RPRD1B: variants seen among roughly 807,000 people sequenced by gnomAD.
The protein encoded by RPRD1B is regulation of nuclear pre-mRNA domain containing 1B, also known as regulation of nuclear pre-mRNA domain-containing protein 1B.
Under a neutral mutation model 41.5 loss-of-function variants are expected in RPRD1B, and 11 were observed. The ratio of observed to expected loss-of-function variants is 0.27; its 90% CI spans 0.17 to 0.44. The LOEUF (loss-of-function observed/expected upper bound fraction) is 0.44, where lower values mean the gene tolerates loss of function less well. Among genes scored for constraint, RPRD1B ranks in the 20% least tolerant of loss-of-function variants. The probability of loss-of-function intolerance (pLI) is 1.00; values close to 1 mark genes in which losing one functional copy is unlikely to be tolerated. For missense variants in RPRD1B, 248 were observed against 389.9 expected, an observed-to-expected ratio of 0.64 and a Z score of 3.06; for synonymous variants, 158 against 155.6, an observed-to-expected ratio of 1.02 and a Z score of -0.12.
chr20:38,050,885 C>T (rs891363243), intron 3 of RPRD1B, among the ~76,000 whole-genome samples: 4 of 152,228 alleles, frequency 2.6e-5, no homozygotes. Flanking sequence ...CCAGCTGACT[C>T]ACTCTGTCTT....
At chr20:38,086,678 T>G (rs1030663975) in intron 6 of RPRD1B, among the ~76,000 whole-genome samples, 4 of 152,208 alleles carry the variant, frequency 2.6e-5, no homozygotes, top group African/African-American at 9.6e-5. Context: ...AGTCTCACTC[T>G]CCCTCTTTCT....
At position 38,076,906 on chromosome 20, in the gene RPRD1B, C is replaced by CTTTTTTTTTTTTTTTTTTTTTTTTTT. The variant is rs573460686; in HGVS notation, c.831+10655_831+10680dup. 7.9e-5 allele frequency among the ~76,000 whole-genome samples: 5 copies of CTTTTTTTTTTTTTTTTTTTTTTTTTT among 63,524 alleles called. 1 individual carries two copies. The highest frequency in any genetic ancestry group is 1.4e-4 in the Non-Finnish European group (5 of 36,262). 41.7% of individuals were successfully genotyped at this position (63,524 alleles called of 152,430 possible). ...CCTTTAGCCTTTTCTCATTCTGGAC[C>CTTTTTTTTTTTTTTTTTTTTTTTTTT]TTTTTTTTTTTTTTTTTTTTTTTTT... On this transcript the variant is annotated intron_variant, in intron 6 of 6. Transcript: ENST00000373433.
chr20:38,051,350 TGTA>T (rs1432746148), intron 3 of RPRD1B, among the ~76,000 whole-genome samples: 4 of 152,244 alleles, frequency 2.6e-5, no homozygotes, highest in Non-Finnish European at 5.9e-5. Flanking sequence ...ATGTGACTCA[TGTA>T]GTATACGGTT....
At chr20:38,040,805 A>G (rs1049064711) in intron 2 of RPRD1B, among the ~76,000 whole-genome samples, 5 of 152,094 alleles carry the variant, frequency 3.3e-5, no homozygotes. Context: ...ATTCATTTTC[A>G]TTTTTTGAAT....
intron 6 of RPRD1B, among the ~76,000 whole-genome samples, chr20:38,089,429 A>C (rs2122778843): frequency 6.6e-6 from 1 of 152,292 alleles, no homozygotes; most frequent in East Asian, 1.9e-4. Flanking sequence ...TTTGAGAACC[A>C]ACAAAAAGAG....
chr20:38,048,321 A>G (rs1184148916), intron 2 of RPRD1B, 27 bp from the exon 3 acceptor site: 4 of 1,603,818 alleles, frequency 2.5e-6, no homozygotes, highest in Non-Finnish European at 2.6e-6. Flanking sequence ...TTAAGCTTAT[A>G]TATATCTTTT....
At chr20:38,052,612 T>C (rs2074196788) in intron 3 of RPRD1B, among the ~76,000 whole-genome samples, 1 of 152,140 alleles carries the variant, frequency 6.6e-6, no homozygotes. Context: ...ATAAAAGTAA[T>C]ATAAAGTCTA....
chr20:38,087,885 A>G (rs2074576341), intron 6 of RPRD1B, among the ~76,000 whole-genome samples: 1 of 152,176 alleles, frequency 6.6e-6, no homozygotes, highest in Non-Finnish European at 1.5e-5. Context: ...CATTCGGCAC[A>G]TGTGCTGGGT....
chr20:38,045,913 T>C (rs1040109083), intron 2 of RPRD1B, among the ~76,000 whole-genome samples: 9 of 152,232 alleles, frequency 5.9e-5, no homozygotes, highest in African/African-American at 1.9e-4. Context: ...GGACCTCCCA[T>C]TGCCTGCAGG....
At chr20:38,060,121 C>T (rs2074282998) in intron 5 of RPRD1B, among the ~76,000 whole-genome samples, 1 of 152,188 alleles carries the variant, frequency 6.6e-6, no homozygotes. Flanking sequence ...TACTTCTGTT[C>T]TTTGTGATAG....
At chr20:38,067,446 G>T (rs2074368678) in intron 6 of RPRD1B, among the ~76,000 whole-genome samples, 1 of 152,236 alleles carries the variant, frequency 6.6e-6, no homozygotes. Context: ...GGAGAGCCAT[G>T]TCACCTCCAT....
In RPRD1B at chr20:38,091,468, G is replaced by T; in HGVS notation, c.*1593G>T. 1.0e-6 allele frequency: 1 copy of T among 985,356 alleles called. No homozygotes were observed. The highest frequency in any genetic ancestry group is 1.2e-6 in the Non-Finnish European group (1 of 829,920). The allele number at this position is 985,356 out of a possible 1,614,324, so 61.0% of individuals were successfully genotyped here. ...CTAGTAGTGTTTGAGCTGTTATTCA[G>T]ATTTGAATTCAGACTGTGTGTTGTT... On this transcript the variant is annotated 3_prime_UTR_variant, in exon 7 of 7. Coordinates refer to ENST00000373433, the MANE Select transcript of RPRD1B (RefSeq NM_021215.4).
chr20:38,048,177 A>G (rs1248091930), intron 2 of RPRD1B, among the ~76,000 whole-genome samples, 171 bp from the exon 3 acceptor site: 1 of 152,180 alleles, frequency 6.6e-6, no homozygotes, highest in Admixed American at 6.5e-5. Flanking sequence ...CGAAGAATGT[A>G]GTTTGTGGTC....
chr20:38,044,557 G>T (rs1208235953), intron 2 of RPRD1B, among the ~76,000 whole-genome samples: 1 of 151,954 alleles, frequency 6.6e-6, no homozygotes, highest in Non-Finnish European at 1.5e-5. Flanking sequence ...GTATTTTTTA[G>T]TAGAGACGGA....
At chr20:38,047,911 G>A (rs2074136194) in intron 2 of RPRD1B, among the ~76,000 whole-genome samples, 1 of 152,148 alleles carries the variant, frequency 6.6e-6, no homozygotes, top group Non-Finnish European at 1.5e-5. Context: ...GTGTTGGTGT[G>A]TTAGAATTGA....
intron 5 of RPRD1B, among the ~76,000 whole-genome samples, chr20:38,061,771 T>G (rs2074300029): frequency 6.6e-6 from 1 of 152,236 alleles, no homozygotes; most frequent in African/African-American, 2.4e-5. Context: ...CATCTTAACT[T>G]CACCCCAGTA....
chr20:38,035,087 G>C (rs989045336), intron 1 of RPRD1B, among the ~76,000 whole-genome samples: 5 of 152,194 alleles, frequency 3.3e-5, no homozygotes, highest in African/African-American at 7.2e-5. Flanking sequence ...CTCATCTCGT[G>C]GTGAGGAGTA....
chr20:38,045,211 T>C (rs1050563859), intron 2 of RPRD1B, among the ~76,000 whole-genome samples: 1 of 152,246 alleles, frequency 6.6e-6, no homozygotes, highest in Non-Finnish European at 1.5e-5. Context: ...TCTTCCACTT[T>C]ATTCATAGAT....
Position 38,034,115 on chromosome 20 carries a change from C to T in RPRD1B, c.151+17C>T, listed in dbSNP as rs201902383. The T allele has an allele frequency of 1.4e-4, 226 of 1,608,502 alleles. No homozygotes were observed. The highest frequency in any genetic ancestry group is 3.3e-4 in the Middle Eastern group (2 of 6,058). ...TCCGCAAAGGTAAACACCAAATCCC[C>T]ACCCCCTGGACGGTCCCCGGATTGT... On this transcript the variant is annotated intron_variant, in intron 1 of 6. Transcript: ENST00000373433.
Sources: gnomAD v4.1 joint callset for allele counts (sites outside exome capture counted in the v4.1 genomes callset) on GRCh38, gnomAD v4.1.1 for gene constraint, MANE v1.5 for transcripts, NCBI Gene and HGNC (gene_info 2026-07-23, HGNC 2026-07-21) for gene names.